ANKRD34C: variants seen among roughly 807,000 people sequenced by gnomAD.
The protein encoded by ANKRD34C is ankyrin repeat domain 34C.
For missense variants in ANKRD34C, 563 were observed against 653.0 expected (o/e 0.86, Z 1.50); for synonymous variants, 260 against 253.6 (o/e 1.03, Z -0.24).
At chr15:79,291,557 T>TTC (rs1596039933) in intron 1 of ANKRD34C, among the ~76,000 whole-genome samples, 3 of 35,844 alleles carry the variant, frequency 8.4e-5, no homozygotes, top group Admixed American at 2.8e-4. Flanking sequence ...AGAAAGACCA[T>TTC]TCACACACAC....
chr15:79,284,393 T>C (rs1350874344), intron 1 of ANKRD34C, among the ~76,000 whole-genome samples: 1 of 152,208 alleles, frequency 6.6e-6, no homozygotes, highest in Non-Finnish European at 1.5e-5. Context: ...ACTAAATGTG[T>C]CTGAACTTCA....
At chr15:79,290,831 G>T (rs1036236401) in intron 1 of ANKRD34C, among the ~76,000 whole-genome samples, 3 of 152,132 alleles carry the variant, frequency 2.0e-5, no homozygotes, top group African/African-American at 7.2e-5. Flanking sequence ...TCAGAGTGTG[G>T]GCTTTGGTTC....
In ANKRD34C at chr15:79,295,015, T is replaced by A; in HGVS notation, c.*123T>A. ...TTCAGAAGATATAAAAGCAGGATGC[T>A]GCTTCACTTCTGAGAATAATCCCTG... On this transcript the variant is annotated 3_prime_UTR_variant, in exon 2 of 2. Coordinates refer to ENST00000421388, the MANE Select transcript of ANKRD34C (RefSeq NM_001146341.2). The A allele has an allele frequency of 1.8e-6, 2 of 1,086,690 alleles. No individual in the cohort carries two copies. The highest frequency in any genetic ancestry group is 2.6e-6 in the Non-Finnish European group (2 of 777,032). The allele number at this position is 1,086,690 out of a possible 1,614,324, so 67.3% of individuals were successfully genotyped here.
In ANKRD34C at chr15:79,294,588, G is replaced by A. The variant is rs1453363710; in HGVS notation, c.1304G>A (p.Arg435His). Reference protein sequence around the residue: ...TVPSTSPSSARRRPPHLLERR... With the variant: ...TVPSTSPSSAHRRPPHLLERR... ...CCTAGCACATCCCCCAGCTCAGCAC[G>A]CCGCAGGCCGCCACATCTTCTAGAA... The change falls in exon 2 of 2, where the codon CGC becomes CAC. Residue 435 changes from arginine to histidine, a missense_variant. Arg to His is a conservative substitution (Grantham distance 29, BLOSUM62 0). Transcript: ENST00000421388. 16 of 1,551,558 alleles carry A rather than the reference G, an allele frequency of 1.0e-5. No individual in the cohort carries two copies. Among genetic ancestry groups the A allele is most frequent in the Middle Eastern group, 1.7e-4 (1 of 6,014 alleles).
rs1460400521 is a variant in ANKRD34C at position 79,294,308 on chromosome 15, C to T, written c.1024C>T (p.Arg342Cys). 48 of 1,551,626 alleles carry T rather than the reference C, an allele frequency of 3.1e-5. No individual in the cohort carries two copies. The highest frequency in any genetic ancestry group is 1.7e-4 in the Middle Eastern group (1 of 6,014). Residue 342 changes from arginine to cysteine, a missense_variant, in exon 2 of 2, where the codon CGT (arginine) becomes TGT (cysteine). Physicochemically the swap from Arg to Cys is radical, Grantham distance 180 (BLOSUM62 -3). Transcript: ENST00000421388. Reference sequence around the variant, plus strand: ...TGAGAAAGGTCAGGCTCCCCACCCACGTCTGGCCAGGAGAGGAACTCTCCC... The same window carrying T: ...TGAGAAAGGTCAGGCTCCCCACCCATGTCTGGCCAGGAGAGGAACTCTCCC... ...AYEKGQAPHPRLARRGTLPVD... is the reference protein window; with the variant it reads ...AYEKGQAPHPCLARRGTLPVD...
intron 1 of ANKRD34C, 23 bp from the exon 2 acceptor site, chr15:79,293,218 G>T: frequency 2.8e-6 from 4 of 1,408,000 alleles, no homozygotes; most frequent in Non-Finnish European, 3.8e-6. Flanking sequence ...TATAACATTT[G>T]TTCCCTCTTC....
chr15:79,287,636 G>A (rs1025775721), intron 1 of ANKRD34C, among the ~76,000 whole-genome samples: 1 of 152,222 alleles, frequency 6.6e-6, no homozygotes, highest in Non-Finnish European at 1.5e-5. Context: ...TTGCTTATAA[G>A]TAACAGAAGT....
At position 79,291,076 on chromosome 15, in the gene ANKRD34C, G is replaced by C. The variant is rs114113826; in HGVS notation, c.-44-2165G>C. Among the ~76,000 whole-genome samples, 12 of 152,266 alleles carry C rather than the reference G, an allele frequency of 7.9e-5. No individual in the cohort carries two copies. In the South Asian group the frequency reaches 1.5e-3, roughly 18 times the overall value. On this transcript the variant is annotated intron_variant, in intron 1 of 1. Coordinates refer to ENST00000421388, the MANE Select transcript of ANKRD34C (RefSeq NM_001146341.2). ...GTAGGAGTTCTTTATATAGTCTGAT[G>C]ATGAGTCACTGTAATTTCACTCAAC...
Position 79,294,611 on chromosome 15 carries a change from G to A in ANKRD34C, c.1327G>A (p.Glu443Lys). ...SARRRPPHLL[E>K]RRGSGTLLLD... ...ACGCCGCAGGCCGCCACATCTTCTA[G>A]AACGACGAGGTTCTGGAACTCTGCT... The change falls in exon 2 of 2, where the codon GAA becomes AAA. Residue 443 changes from glutamate to lysine, a missense_variant. Coordinates refer to ENST00000421388, the MANE Select transcript of ANKRD34C (RefSeq NM_001146341.2). 6.4e-7 allele frequency: 1 copy of A among 1,551,720 alleles called. No homozygotes were observed. Among genetic ancestry groups the A allele is most frequent in the Non-Finnish European group, 8.7e-7 (1 of 1,146,992 alleles).
intron 1 of ANKRD34C, among the ~76,000 whole-genome samples, chr15:79,287,408 G>T (rs1054159423): frequency 1.1e-4 from 16 of 152,176 alleles, no homozygotes; most frequent in Admixed American, 9.8e-4. Flanking sequence ...TACCATAAAT[G>T]TTTATTACTA....
In ANKRD34C at chr15:79,295,390, A is replaced by G. The variant is rs983208516; in HGVS notation, c.*498A>G. ...GTAGAAGCAGAATTCCCCCCATGGA[A>G]GAGGCTCTGGCCTGTGGGTCCTGGC... is the stretch of plus-strand genomic sequence containing the variant. On this transcript the variant is annotated 3_prime_UTR_variant, in exon 2 of 2. Coordinates refer to ENST00000421388, the MANE Select transcript of ANKRD34C (RefSeq NM_001146341.2). 2 of 170,644 alleles carry G rather than the reference A, an allele frequency of 1.2e-5. No homozygotes were observed. Among genetic ancestry groups the G allele is most frequent in the African/African-American group, 4.8e-5 (2 of 41,466 alleles). 10.6% of individuals were successfully genotyped at this position (170,644 alleles called of 1,614,324 possible). A position where few individuals can be genotyped will look rare whatever the true frequency, so the allele number is the denominator to read the frequency against.
At position 79,294,824 on chromosome 15, in the gene ANKRD34C, C is replaced by T; in HGVS notation, c.1540C>T (p.Leu514Phe). The change falls in exon 2 of 2, where the codon CTC (leucine) becomes TTC (phenylalanine). Residue 514 changes from leucine (L) to phenylalanine (F), a missense_variant. Physicochemically the swap from Leu to Phe is conservative, Grantham distance 22. Coordinates refer to ENST00000421388, the MANE Select transcript of ANKRD34C (RefSeq NM_001146341.2). ...TGACTTAAGAAGTAAAAAGAAGCTC[C>T]TCAGAAGGCATTCTATGCAAATTGA... is the stretch of plus-strand genomic sequence containing the variant. ...RVDLRSKKKL[L>F]RRHSMQIEQM... The T allele has an allele frequency of 1.3e-6, 2 of 1,551,038 alleles. No individual in the cohort carries two copies. Among genetic ancestry groups the T allele is most frequent in the East Asian group, 2.4e-5 (1 of 40,928 alleles).
In ANKRD34C at chr15:79,283,164, GAAT is replaced by G. The variant is rs1372368316; in HGVS notation, c.-102_-100del. On this transcript the variant is annotated 5_prime_UTR_variant, in exon 1 of 2. In the 5' UTR this introduces an upstream ATG that the reference lacks. Transcript: ENST00000421388. ...TGGACGCCCCCTGATTTTGTTTTGG[GAAT>G]AATAATGACACTACCTATAGCCTGG... is the stretch of plus-strand genomic sequence containing the variant. 6.6e-6 allele frequency among the ~76,000 whole-genome samples: 1 copy of G among 152,198 alleles called. No homozygotes were observed. Among genetic ancestry groups the G allele is most frequent in the African/African-American group, 2.4e-5 (1 of 41,446 alleles).
In ANKRD34C at chr15:79,294,843, A is replaced by C; in HGVS notation, c.1559A>C (p.Gln520Pro). 6.5e-7 allele frequency: 1 copy of C among 1,547,854 alleles called. No homozygotes were observed. Among genetic ancestry groups the C allele is most frequent in the Non-Finnish European group, 8.7e-7 (1 of 1,146,098 alleles). Residue 520 changes from glutamine (Q) to proline (P), a missense_variant, in exon 2 of 2, where the codon CAA becomes CCA. Physicochemically the swap from Gln to Pro is moderately conservative, Grantham distance 76 (BLOSUM62 -1). Coordinates refer to ENST00000421388, the MANE Select transcript of ANKRD34C (RefSeq NM_001146341.2). ...AAGCTCCTCAGAAGGCATTCTATGC[A>C]AATTGAACAAATGAAACAGCTGTCT... Reference protein sequence around the residue: ...KKKLLRRHSMQIEQMKQLSDF... With the variant: ...KKKLLRRHSMPIEQMKQLSDF...
Position 79,294,265 on chromosome 15 carries a change from A to G in ANKRD34C, c.981A>G (p.Ala327=), listed in dbSNP as rs1354307241. 1 of 1,551,606 alleles carries G rather than the reference A, an allele frequency of 6.4e-7. No individual in the cohort carries two copies. Among genetic ancestry groups the G allele is most frequent in the Non-Finnish European group, 8.7e-7 (1 of 1,146,996 alleles). The stretch of plus-strand genomic sequence containing the variant: ...AGATTCCAGTCTCTTCAGCACCGGC[A>G]TCCTGGAAAGCAGCCTATGAGAAAG... ...VLKIPVSSAP[A]SWKAAYEKGQ... is the part of the protein sequence containing the mutation. The change falls in exon 2 of 2, where the codon GCA becomes GCG. Residue 327 remains alanine (A), a synonymous_variant. Transcript: ENST00000421388.
intron 1 of ANKRD34C, among the ~76,000 whole-genome samples, chr15:79,291,601 C>CACACAGAG (rs1429207880): frequency 2.1e-4 from 18 of 83,998 alleles, no homozygotes; most frequent in East Asian, 1.7e-3. Flanking sequence ...CACACACACA[C>CACACAGAG]AGAGAGAGAG....
At chr15:79,292,508 A>G (rs1471980250) in intron 1 of ANKRD34C, among the ~76,000 whole-genome samples, 1 of 152,222 alleles carries the variant, frequency 6.6e-6, no homozygotes, top group Non-Finnish European at 1.5e-5. Flanking sequence ...GCATGGCTTT[A>G]TTCTGAATAC....
chr15:79,291,133 T>TTGAG (rs1006230928), intron 1 of ANKRD34C, among the ~76,000 whole-genome samples: 14 of 152,208 alleles, frequency 9.2e-5, no homozygotes, highest in African/African-American at 2.9e-4. Flanking sequence ...GATTTTCCTC[T>TTGAG]TGAGTACAAA....
Position 79,295,806 on chromosome 15 carries a change from A to T in ANKRD34C, c.*914A>T, listed in dbSNP as rs547627284. The T allele has an allele frequency of 5.4e-5, 9 of 167,046 alleles. No homozygotes were observed. In the South Asian group the frequency reaches 1.9e-3, roughly 35 times the overall value. 10.3% of individuals were successfully genotyped at this position (167,046 alleles called of 1,614,324 possible). A position where few individuals can be genotyped will look rare whatever the true frequency, so the allele number is the denominator to read the frequency against. On this transcript the variant is annotated 3_prime_UTR_variant, in exon 2 of 2. Transcript: ENST00000421388. ...ATGAGATGTGCATAGATTAAATGGT[A>T]AAGTGGGTGGTTCTCAGGTGAGAAG... is the stretch of plus-strand genomic sequence containing the variant.
Sources: gnomAD v4.1 joint callset for allele counts (sites outside exome capture counted in the v4.1 genomes callset) on GRCh38, gnomAD v4.1.1 for gene constraint, MANE v1.5 for transcripts, NCBI Gene and HGNC (gene_info 2026-07-23, HGNC 2026-07-21) for gene names.